Variants in DNAH3 observed in about 807,000 individuals in gnomAD.
The protein encoded by DNAH3 is dynein axonemal heavy chain 3.
A neutral mutation model predicts 432.5 loss-of-function variants in DNAH3; 332 were observed. The ratio of observed to expected loss-of-function variants is 0.77; its 90% confidence interval spans 0.70 to 0.84. The LOEUF is 0.84. DNAH3 is among the 40% of genes least tolerant of loss of function. DNAH3 has a pLI of 0.00. For synonymous variants in DNAH3, 1,956 were observed against 1,900.2 expected (o/e 1.03, Z -0.76); for missense variants, 4,861 against 5,114.0 (o/e 0.95, Z 1.51).
chr16:21,157,674 A>G (rs536009431), intron 1 of DNAH3, among the ~76,000 whole-genome samples: 1 of 152,282 alleles, frequency 6.6e-6, no homozygotes, highest in Admixed American at 6.5e-5. Flanking sequence ...TGCTATGGCC[A>G]CAGGCAAAGA....
exon 53 of DNAH3, chr16:20,963,615 A>C (rs1025223011): frequency 3.7e-6 from 6 of 1,613,884 alleles, no homozygotes; most frequent in Non-Finnish European, 5.1e-6. Context: ...ATGCACGGAC[A>C]ATCTCTGCCC....
chr16:20,999,350 G>A (rs1349178571), intron 43 of DNAH3, among the ~76,000 whole-genome samples: 1 of 152,132 alleles, frequency 6.6e-6, no homozygotes, highest in Non-Finnish European at 1.5e-5. Flanking sequence ...GAGCAAGATG[G>A]AGAAAAGGAG....
chr16:21,147,216 ACT>A (rs1359387840), intron 1 of DNAH3, among the ~76,000 whole-genome samples: 1 of 148,192 alleles, frequency 6.7e-6, no homozygotes, highest in Non-Finnish European at 1.5e-5. Flanking sequence ...AAAAACATTG[ACT>A]CTTGCATTTT....
At chr16:21,157,336 CTT>C (rs34449371) in intron 1 of DNAH3, among the ~76,000 whole-genome samples, 47,395 of 111,156 alleles carry the variant, frequency 0.43, 8,343 homozygotes, top group East Asian at 0.61. Context: ...GTGATTGCTT[CTT>C]TTTTTTTTTT....
At chr16:21,128,865 GAAA>G (rs766015503) in intron 7 of DNAH3, among the ~76,000 whole-genome samples, 1 of 55,822 alleles carries the variant, frequency 1.8e-5, no homozygotes, top group African/African-American at 7.1e-5. Flanking sequence ...TCTCTACAAA[GAAA>G]AAAAAAAAAA....
chr16:20,973,599 A>AAC (rs2085443895), intron 51 of DNAH3, among the ~76,000 whole-genome samples: 1 of 152,214 alleles, frequency 6.6e-6, no homozygotes. Flanking sequence ...GCTCAAATGT[A>AAC]ACCATGTACT....
In DNAH3 at chr16:20,988,076, C is replaced by T; in HGVS notation, c.6602-11G>A. 1 of 1,613,640 alleles carries T rather than the reference C, an allele frequency of 6.2e-7. No homozygotes were observed. The highest frequency in any genetic ancestry group is 1.1e-5 in the South Asian group (1 of 91,054). ...GGCGAGTGAATCGTCCTGGGGAATA[C>T]AACACACAAGTGAATCATCCTGGAA... On this transcript the variant is annotated splice_polypyrimidine_tract_variant and intron_variant, in intron 44 of 61. Coordinates refer to ENST00000261383, the Ensembl canonical transcript of DNAH3.
At chr16:21,108,729 T>A (rs1044509005) in intron 14 of DNAH3, among the ~76,000 whole-genome samples, 9 of 146,658 alleles carry the variant, frequency 6.1e-5, no homozygotes, top group Admixed American at 2.0e-4. Flanking sequence ...GGCAACAGAG[T>A]AAGACCCTGT....
intron 54 of DNAH3, among the ~76,000 whole-genome samples, chr16:20,956,258 T>C (rs2084560618): frequency 6.6e-6 from 1 of 152,168 alleles, no homozygotes. Context: ...AACCTAAGGC[T>C]TTCTTTTACA....
At chr16:21,074,826 T>C (rs570427960) in intron 21 of DNAH3, among the ~76,000 whole-genome samples, 4 of 152,296 alleles carry the variant, frequency 2.6e-5, no homozygotes, top group African/African-American at 9.6e-5. Flanking sequence ...CCTCACACCC[T>C]ATCCCAAAAG....
rs755006537 is a variant in DNAH3 at position 21,042,195 on chromosome 16, C to T, written c.4470G>A (p.Val1490=). 5 of 1,600,960 alleles carry T rather than the reference C, an allele frequency of 3.1e-6. No individual in the cohort carries two copies. In the African/African-American group the frequency reaches 4.0e-5, roughly 13 times the overall value. ...GGATCTGCTGAGCGACCACAGACAG[C>T]ACTTCTACCTGGGGTGAGAATGCCC... The change falls in exon 32 of 62, where the codon GTG becomes GTA. Residue 1490 remains valine, a synonymous_variant. Coordinates refer to ENST00000261383, the Ensembl canonical transcript of DNAH3.
chr16:21,099,798 TATAA>T (rs1269294821), intron 16 of DNAH3, among the ~76,000 whole-genome samples: 1 of 152,244 alleles, frequency 6.6e-6, no homozygotes, highest in African/African-American at 2.4e-5. Flanking sequence ...ATGTAAACTC[TATAA>T]ATAGTTGATT....
chr16:21,153,768 G>A (rs7184448), intron 1 of DNAH3, among the ~76,000 whole-genome samples: 1,533 of 152,202 alleles, frequency 0.01, 29 homozygotes, highest in African/African-American at 0.034. Context: ...AACACTCACC[G>A]CGAGGGCCCA....
intron 29 of DNAH3, among the ~76,000 whole-genome samples, 163 bp from the exon 30 acceptor site, chr16:21,050,181 A>T (rs1007504028): frequency 6.6e-6 from 1 of 152,244 alleles, no homozygotes; most frequent in African/African-American, 2.4e-5. Context: ...CTTTTGCACC[A>T]ACCAAATAGT....
chr16:21,036,161 C>G (rs560500325), intron 35 of DNAH3, among the ~76,000 whole-genome samples: 178 of 152,096 alleles, frequency 1.2e-3, no homozygotes, highest in African/African-American at 4.0e-3. Context: ...CCCATCCCTA[C>G]AAAAAGTACA....
At chr16:21,081,751 A>T (rs777201823) in intron 19 of DNAH3, 24 bp from the exon 20 acceptor site, 2 of 1,604,446 alleles carry the variant, frequency 1.2e-6, no homozygotes, top group Admixed American at 1.7e-5. Context: ...AGGAAAGCAA[A>T]TGTTTGTTGT....
intron 35 of DNAH3, among the ~76,000 whole-genome samples, chr16:21,036,510 G>A (rs1164536510): frequency 3.3e-4 from 50 of 152,078 alleles, no homozygotes; most frequent in Admixed American, 3.3e-3. Flanking sequence ...GAACTCCTGG[G>A]CTCAAACGAT....
chr16:21,107,704 GCT>G (rs1030302843), intron 14 of DNAH3, among the ~76,000 whole-genome samples: 5 of 152,264 alleles, frequency 3.3e-5, no homozygotes, highest in Middle Eastern at 3.4e-3. Context: ...ATTTGAATAT[GCT>G]CTAATTTATG....
At chr16:21,153,832 T>C (rs2092880251) in intron 1 of DNAH3, among the ~76,000 whole-genome samples, 1 of 152,196 alleles carries the variant, frequency 6.6e-6, no homozygotes, top group Non-Finnish European at 1.5e-5. Context: ...CCAGACACAA[T>C]AGAACCAAGT....
Sources: allele counts gnomAD v4.1 joint callset (sites outside exome capture counted in the v4.1 genomes callset), GRCh38; gene constraint gnomAD v4.1.1; transcripts MANE v1.5; gene names NCBI Gene and HGNC (gene_info 2026-07-23, HGNC 2026-07-21).